ALMS1: variants seen among roughly 807,000 people sequenced by gnomAD.
ALMS1 encodes ALMS1 centrosome and basal body associated protein.
A neutral mutation model predicts 352.2 loss-of-function variants in ALMS1; 271 were observed. The observed-to-expected ratio is 0.77, with a 90% CI of 0.70 to 0.85. The LOEUF (loss-of-function observed/expected upper bound fraction) is 0.85. Ranked by LOEUF, ALMS1 falls within the 40% of genes least tolerant of loss-of-function variation. The pLI is 0.00. For synonymous variants in ALMS1, 1,865 were observed against 1,761.2 expected (o/e 1.06, Z -1.48); for missense variants, 5,445 against 4,870.7 (o/e 1.12, Z -3.51).
intron 11 of ALMS1, among the ~76,000 whole-genome samples, chr2:73,529,505 G>A (rs1472482768): frequency 1.3e-5 from 2 of 152,134 alleles, no homozygotes; most frequent in African/African-American, 2.4e-5. Context: ...GAAGAATTAG[G>A]TATTTATTGT....
intron 20 of ALMS1, among the ~76,000 whole-genome samples, 156 bp downstream of exon 20, chr2:73,602,524 T>G (rs1181378083): frequency 6.6e-6 from 1 of 152,174 alleles, no homozygotes; most frequent in Non-Finnish European, 1.5e-5. Flanking sequence ...GCTAGCAGAA[T>G]CTCCCCAACT....
chr2:73,417,698 C>T (rs186240351), intron 2 of ALMS1, among the ~76,000 whole-genome samples: 39 of 152,082 alleles, frequency 2.6e-4, no homozygotes, highest in Non-Finnish European at 5.0e-4. Flanking sequence ...TATCCTTTAT[C>T]AGGTTTAATT....
intron 9 of ALMS1, among the ~76,000 whole-genome samples, chr2:73,474,577 C>G (rs1227095449): frequency 6.6e-6 from 1 of 152,062 alleles, no homozygotes; most frequent in Admixed American, 6.6e-5. Flanking sequence ...CGAGCTCAAG[C>G]TATCCTTCCA....
rs749303703 is a variant in ALMS1, at chr2:73,448,281, A to G, written c.1754A>G (p.Tyr585Cys). 1 of 1,613,970 alleles carries G rather than the reference A, an allele frequency of 6.2e-7. No homozygotes were observed. The highest frequency in any genetic ancestry group is 1.1e-5 in the South Asian group (1 of 91,072). ...HSHRGKPSIF[Y>C]QQGLPDSHLT... is the part of the protein sequence containing the mutation. Reference sequence around the variant, plus strand: ...CATAGGGGGAAGCCCAGCATTTTCTACCAGCAGGGCTTGCCAGACAGTCAT... The same window carrying G: ...CATAGGGGGAAGCCCAGCATTTTCTGCCAGCAGGGCTTGCCAGACAGTCAT... Residue 585 changes from tyrosine (Y) to cysteine (C), a missense_variant, in exon 8 of 23, where the codon TAC (tyrosine) becomes TGC (cysteine). By Grantham distance (194) the Tyr-to-Cys change is radical. Coordinates refer to ENST00000613296, the MANE Select transcript of ALMS1 (RefSeq NM_001378454.1).
chr2:73,467,962 G>T (rs916206406), intron 9 of ALMS1, among the ~76,000 whole-genome samples: 4 of 151,996 alleles, frequency 2.6e-5, no homozygotes, highest in Non-Finnish European at 4.4e-5. Flanking sequence ...CGCACAAGAG[G>T]TCTTCTCAGG....
intron 12 of ALMS1, among the ~76,000 whole-genome samples, chr2:73,537,921 A>G (rs949285708): frequency 6.6e-6 from 1 of 152,092 alleles, no homozygotes; most frequent in East Asian, 1.9e-4. Flanking sequence ...CATGAGTATC[A>G]CTTGAACCCT....
At chr2:73,426,233 C>T (rs1246651296) in intron 5 of ALMS1, among the ~76,000 whole-genome samples, 1 of 152,158 alleles carries the variant, frequency 6.6e-6, no homozygotes, top group Non-Finnish European at 1.5e-5. Flanking sequence ...ATTAAAGGTC[C>T]ACCTGCAGCT....
At chr2:73,514,401 G>A (rs536991665) in intron 10 of ALMS1, among the ~76,000 whole-genome samples, 1 of 150,152 alleles carries the variant, frequency 6.7e-6, no homozygotes, top group Admixed American at 6.6e-5. Context: ...TACTTTTTTC[G>A]CTTTATGAGC....
chr2:73,428,963 G>T (rs945944000), intron 6 of ALMS1, among the ~76,000 whole-genome samples: 12 of 152,244 alleles, frequency 7.9e-5, no homozygotes, highest in Middle Eastern at 3.4e-3. Context: ...TATGTATGAT[G>T]GAGCTTGGAA....
intron 9 of ALMS1, among the ~76,000 whole-genome samples, chr2:73,473,927 A>T (rs1672522535): frequency 6.6e-6 from 1 of 151,006 alleles, no homozygotes; most frequent in African/African-American, 2.4e-5. Flanking sequence ...GGGAAGAGAG[A>T]GAGAGAGAGA....
chr2:73,439,650 C>T (rs1377370142), intron 7 of ALMS1, among the ~76,000 whole-genome samples: 2 of 152,040 alleles, frequency 1.3e-5, no homozygotes, highest in South Asian at 4.1e-4. Flanking sequence ...AAGCGATTCT[C>T]CTGCCTCAGC....
chr2:73,491,726 C>T (rs1337193763), intron 10 of ALMS1, among the ~76,000 whole-genome samples: 3 of 152,218 alleles, frequency 2.0e-5, no homozygotes, highest in South Asian at 4.1e-4. Flanking sequence ...GACTTGACAT[C>T]AAGTGTTTTT....
intron 7 of ALMS1, among the ~76,000 whole-genome samples, chr2:73,442,284 C>G (rs1292289512): frequency 3.3e-5 from 5 of 152,002 alleles, no homozygotes; most frequent in Non-Finnish European, 5.9e-5. Flanking sequence ...ACAATATGTT[C>G]TTTTATCATA....
At chr2:73,601,510 G>A in intron 19 of ALMS1, 74 bp downstream of exon 19, 1 of 1,570,836 alleles carries the variant, frequency 6.4e-7, no homozygotes, top group Non-Finnish European at 8.6e-7. Flanking sequence ...AGCTGGCTCT[G>A]TGACTTGGTG....
chr2:73,609,761 G>A lies in ALMS1; in HGVS notation c.*149G>A, dbSNP rs1675899218. On this transcript the variant is annotated 3_prime_UTR_variant, in exon 23 of 23. Coordinates refer to ENST00000613296, the MANE Select transcript of ALMS1 (RefSeq NM_001378454.1). ...TAACTTCTAAAGAGTCTGGAACAAA[G>A]TGGTGATTAAAATTCCTAATGGTTT... 1 of 799,382 alleles carries A rather than the reference G, an allele frequency of 1.3e-6. No homozygotes were observed. The highest frequency in any genetic ancestry group is 1.6e-5 in the South Asian group (1 of 63,748). 49.5% of individuals were successfully genotyped at this position (799,382 alleles called of 1,614,324 possible).
At chr2:73,561,554 T>C (rs934672678) in intron 15 of ALMS1, among the ~76,000 whole-genome samples, 3 of 152,100 alleles carry the variant, frequency 2.0e-5, no homozygotes, top group Non-Finnish European at 4.4e-5. Context: ...GAAAGTAGAA[T>C]AGTGATTGCC....
chr2:73,536,748 G>T (rs1241801394), intron 12 of ALMS1, among the ~76,000 whole-genome samples: 1 of 152,140 alleles, frequency 6.6e-6, no homozygotes, highest in Non-Finnish European at 1.5e-5. Flanking sequence ...TAGAACTGAT[G>T]CAAACAACGA....
intron 11 of ALMS1, among the ~76,000 whole-genome samples, chr2:73,525,881 G>A (rs1364928488): frequency 1.3e-5 from 2 of 152,100 alleles, no homozygotes; most frequent in African/African-American, 4.8e-5. Context: ...TTTTCTCAGT[G>A]TTTTCTTCCT....
intron 16 of ALMS1, among the ~76,000 whole-genome samples, chr2:73,576,347 A>G (rs2104115972): frequency 6.6e-6 from 1 of 152,282 alleles, no homozygotes; most frequent in African/African-American, 2.4e-5. Context: ...TTTTAATACT[A>G]CCATATGTGC....
Sources: allele counts gnomAD v4.1 joint callset (sites outside exome capture counted in the v4.1 genomes callset), GRCh38; gene constraint gnomAD v4.1.1; transcripts MANE v1.5; gene names NCBI Gene and HGNC (gene_info 2026-07-23, HGNC 2026-07-21).